The following HLCS variants were observed in gnomAD, a reference collection of about 807,000 sequenced individuals.
HLCS encodes holocarboxylase synthetase.
A neutral mutation model predicts 75.0 loss-of-function variants in HLCS; 53 were observed. That is an observed-to-expected ratio of 0.71 (90% CI 0.57 to 0.89). HLCS has a LOEUF of 0.89. HLCS is among the 40% of genes least tolerant of loss of function. The pLI is 0.00. For missense variants in HLCS, 966 were observed against 1,074.0 expected (o/e 0.90, Z 1.41); for synonymous variants, 431 against 428.6 (o/e 1.01, Z -0.07).
chr21:36,912,292 T>C (rs1021801331), intron 5 of HLCS, among the ~76,000 whole-genome samples: 3 of 150,684 alleles, frequency 2.0e-5, no homozygotes, highest in African/African-American at 7.3e-5. Context: ...GGGATATTAT[T>C]CAGCCAAAAA....
intron 4 of HLCS, among the ~76,000 whole-genome samples, chr21:36,935,410 T>C (rs2066834750): frequency 6.6e-6 from 1 of 151,768 alleles, no homozygotes; most frequent in Non-Finnish European, 1.5e-5. Context: ...ATATATACTC[T>C]GGAAAAAAAT....
At chr21:36,959,536 A>T (rs2068162436) in intron 2 of HLCS, among the ~76,000 whole-genome samples, 2 of 152,202 alleles carry the variant, frequency 1.3e-5, no homozygotes, top group African/African-American at 4.8e-5. Context: ...ACCAGCCCAA[A>T]ACCTGGGGAC....
In HLCS at chr21:36,754,238, GCCCGGCATTACCGC is replaced by G. The variant is rs1568955758; in HGVS notation, c.2616_*7del. 19 of 1,576,352 alleles carry G rather than the reference GCCCGGCATTACCGC, an allele frequency of 1.2e-5. No homozygotes were observed. The highest frequency in any genetic ancestry group is 1.7e-5 in the Non-Finnish European group (19 of 1,147,536). ...GGACAGGCAGCCGCGTCTCGGGGAC[GCCCGGCATTACCGC>G]CGTTTGGGGAGGATGAGGTTTCTCA... On this transcript the variant is annotated stop_lost and 3_prime_UTR_variant, in exon 11 of 11. Coordinates refer to ENST00000674895, the MANE Select transcript of HLCS (RefSeq NM_001352514.2).
chr21:36,773,406 T>G (rs1427820439), intron 6 of HLCS, among the ~76,000 whole-genome samples: 1 of 152,270 alleles, frequency 6.6e-6, no homozygotes, highest in Admixed American at 6.5e-5. Flanking sequence ...GGGCTGTACC[T>G]CAGACTGGCC....
At chr21:36,954,161 C>A (rs2067805782) in intron 2 of HLCS, among the ~76,000 whole-genome samples, 1 of 151,996 alleles carries the variant, frequency 6.6e-6, no homozygotes, top group South Asian at 2.1e-4. Context: ...CAAAAATTAG[C>A]CGGGCATGGT....
chr21:36,885,576 C>T (rs974980239), intron 6 of HLCS, among the ~76,000 whole-genome samples: 4 of 151,382 alleles, frequency 2.6e-5, no homozygotes, highest in East Asian at 1.9e-4. Flanking sequence ...GTTTCATGGA[C>T]GTCCACAGCA....
intron 10 of HLCS, 84 bp downstream of exon 10, chr21:36,756,450 CAAAAAAAA>C (rs56071863): frequency 9.5e-4 from 350 of 368,302 alleles, no homozygotes; most frequent in Middle Eastern, 1.4e-3. Flanking sequence ...GACTCCGTCT[CAAAAAAAA>C]AAAAAAAAAA....
intron 1 of HLCS, among the ~76,000 whole-genome samples, chr21:36,986,121 C>G (rs976075095): frequency 6.6e-6 from 1 of 152,052 alleles, no homozygotes; most frequent in Admixed American, 6.6e-5. Flanking sequence ...GCTGTTATTG[C>G]GGGAGTGGGC....
intron 6 of HLCS, among the ~76,000 whole-genome samples, chr21:36,882,466 A>G (rs2064264232): frequency 6.6e-6 from 1 of 151,794 alleles, no homozygotes; most frequent in Admixed American, 6.6e-5. Flanking sequence ...TTTGAAATAG[A>G]GTCTCACTCT....
chr21:36,767,534 G>A (rs1010038618), intron 6 of HLCS, among the ~76,000 whole-genome samples: 4 of 152,178 alleles, frequency 2.6e-5, no homozygotes, highest in African/African-American at 9.7e-5. Flanking sequence ...ATGCGAGGGG[G>A]CGTGTGTACC....
At chr21:36,892,681 CA>C (rs1797198140) in intron 6 of HLCS, among the ~76,000 whole-genome samples, 1 of 152,188 alleles carries the variant, frequency 6.6e-6, no homozygotes, top group African/African-American at 2.4e-5. Flanking sequence ...GGCTGTTCCC[CA>C]CTGTGTCCTT....
chr21:36,818,541 G>A (rs1218991702), intron 6 of HLCS, among the ~76,000 whole-genome samples: 3 of 152,152 alleles, frequency 2.0e-5, no homozygotes, highest in African/African-American at 7.2e-5. Flanking sequence ...AATCACATGA[G>A]AAACACTACA....
intron 6 of HLCS, among the ~76,000 whole-genome samples, chr21:36,857,480 T>A (rs1027656605): frequency 2.0e-5 from 3 of 152,222 alleles, no homozygotes; most frequent in African/African-American, 7.2e-5. Context: ...GTCTTTCATT[T>A]GTGTACTACT....
chr21:36,951,791 T>C (rs1235971110), intron 2 of HLCS, among the ~76,000 whole-genome samples: 1 of 152,226 alleles, frequency 6.6e-6, no homozygotes, highest in East Asian at 1.9e-4. Context: ...CTAAATGCAA[T>C]TGCTAATATA....
intron 6 of HLCS, among the ~76,000 whole-genome samples, chr21:36,886,890 G>A (rs1208760089): frequency 1.3e-5 from 2 of 152,166 alleles, no homozygotes; most frequent in Non-Finnish European, 2.9e-5. Context: ...ACTTTGAAAG[G>A]CCGAGGCAGG....
intron 2 of HLCS, among the ~76,000 whole-genome samples, chr21:36,960,655 C>T (rs2068242436): frequency 6.6e-6 from 1 of 152,238 alleles, no homozygotes; most frequent in African/African-American, 2.4e-5. Flanking sequence ...TCTCTCAATA[C>T]AGCATCTTAC....
intron 3 of HLCS, 124 bp downstream of exon 3, chr21:36,938,708 G>A: frequency 1.0e-6 from 1 of 953,018 alleles, no homozygotes; most frequent in Non-Finnish European, 1.7e-6. Flanking sequence ...GGTCTATGCT[G>A]CTCAGGCTGG....
At position 36,921,663 on chromosome 21, in the gene HLCS, C is replaced by T. The variant is rs369684139; in HGVS notation, c.1620+8588G>A. On this transcript the variant is annotated intron_variant, in intron 5 of 10. Transcript: ENST00000674895. ...CTGATGGGCAACGCTGTTCTCCTTT[C>T]GCTCACACCTAGAATCTGAATCTCA... Among the ~76,000 whole-genome samples the T allele has an allele frequency of 1.4e-4, 22 of 152,184 alleles. No homozygotes were observed. The South Asian group carries it at 1.9e-3, about 13-fold the overall frequency.
At chr21:36,880,954 T>G (rs200440745) in intron 6 of HLCS, among the ~76,000 whole-genome samples, 47 of 150,216 alleles carry the variant, frequency 3.1e-4, no homozygotes, top group African/African-American at 7.4e-4. Context: ...AGCAGAGAGT[T>G]TTTGTTTGTT....
Sources: gnomAD v4.1 joint callset for allele counts (sites outside exome capture counted in the v4.1 genomes callset) on GRCh38, gnomAD v4.1.1 for gene constraint, MANE v1.5 for transcripts, NCBI Gene and HGNC (gene_info 2026-07-23, HGNC 2026-07-21) for gene names.